AGBL4: variants seen among roughly 807,000 people sequenced by gnomAD.
The protein encoded by AGBL4 is cytosolic carboxypeptidase 6.
AGBL4 carries 58 observed loss-of-function variants against 66.4 expected under a neutral mutation model. The observed-to-expected ratio is 0.87, with a 90% CI of 0.71 to 1.09. The LOEUF is 1.09. Ranked by LOEUF, AGBL4 falls within the 50% of genes least tolerant of loss-of-function variation. The probability of loss-of-function intolerance (pLI) is 0.00; values close to 1 mark genes in which losing one functional copy is unlikely to be tolerated. For missense variants in AGBL4, 579 were observed against 631.0 expected, an observed-to-expected ratio of 0.92 and a Z score of 0.88; for synonymous variants, 234 against 222.9, an observed-to-expected ratio of 1.05 and a Z score of -0.44.
At chr1:49,447,705 G>A (rs907963914) in intron 3 of AGBL4, among the ~76,000 whole-genome samples, 1 of 152,182 alleles carries the variant, frequency 6.6e-6, no homozygotes, top group Non-Finnish European at 1.5e-5. Flanking sequence ...CAGCAGAGAT[G>A]TGGACTGCTA....
chr1:50,010,602 A>T (rs1223871120), intron 1 of AGBL4, among the ~76,000 whole-genome samples: 4 of 152,156 alleles, frequency 2.6e-5, no homozygotes, highest in Non-Finnish European at 5.9e-5. Flanking sequence ...ATAGCATGGT[A>T]CTGGCATAAA....
intron 6 of AGBL4, among the ~76,000 whole-genome samples, chr1:48,707,773 T>A (rs1646903654): frequency 6.6e-6 from 1 of 152,162 alleles, no homozygotes; most frequent in South Asian, 2.1e-4. Context: ...AGTGACACAC[T>A]TCAGCTGGTG....
chr1:49,504,574 C>G (rs1419278238), intron 3 of AGBL4, among the ~76,000 whole-genome samples: 2 of 151,182 alleles, frequency 1.3e-5, no homozygotes, highest in African/African-American at 4.9e-5. Context: ...ATGAGTTTAC[C>G]CCTCTCTCAT....
At chr1:49,178,113 T>C (rs1646864968) in intron 4 of AGBL4, among the ~76,000 whole-genome samples, 1 of 152,202 alleles carries the variant, frequency 6.6e-6, no homozygotes, top group African/African-American at 2.4e-5. Context: ...GCAAAGGCTT[T>C]GGAGCTAGGC....
intron 3 of AGBL4, among the ~76,000 whole-genome samples, chr1:49,333,283 T>A (rs1388536994): frequency 6.6e-6 from 1 of 152,090 alleles, no homozygotes; most frequent in Non-Finnish European, 1.5e-5. Context: ...ATCAATACCA[T>A]CCTGGCAAAC....
At position 48,837,709 on chromosome 1, in the gene AGBL4, C is replaced by CTAT. The variant is rs1310220715; in HGVS notation, c.634+29481_634+29482insATA. Among the ~76,000 whole-genome samples the CTAT allele has an allele frequency of 8.0e-5, 6 of 75,084 alleles. No individual in the cohort carries two copies. In the South Asian group the frequency reaches 3.1e-3, roughly 39 times the overall value. 49.3% of individuals were successfully genotyped at this position (75,084 alleles called of 152,430 possible). On this transcript the variant is annotated intron_variant, in intron 6 of 13. Coordinates refer to ENST00000371839, the MANE Select transcript of AGBL4 (RefSeq NM_032785.4). ...ACACGCACACACACGCACACACACA[C>CTAT]ACTATATATATATATATATATATAT...
At chr1:49,557,889 G>A (rs1244377453) in intron 3 of AGBL4, among the ~76,000 whole-genome samples, 1 of 151,550 alleles carries the variant, frequency 6.6e-6, no homozygotes, top group Non-Finnish European at 1.5e-5. Context: ...TTCTGCTTGA[G>A]AAGAAAACAT....
intron 4 of AGBL4, among the ~76,000 whole-genome samples, chr1:49,119,774 T>C (rs1397228295): frequency 1.3e-5 from 2 of 150,714 alleles, no homozygotes; most frequent in Non-Finnish European, 3.0e-5. Flanking sequence ...TGTCTTGTTG[T>C]GCAGTGTTAA....
chr1:49,393,752 G>C (rs1446933047), intron 3 of AGBL4, among the ~76,000 whole-genome samples: 1 of 152,192 alleles, frequency 6.6e-6, no homozygotes, highest in Non-Finnish European at 1.5e-5. Flanking sequence ...TAAGTGCATA[G>C]AGCTGTGTGT....
intron 11 of AGBL4, chr1:48,585,280 G>C (rs1485709274): frequency 1.3e-5 from 2 of 152,194 alleles, no homozygotes; most frequent in Non-Finnish European, 2.9e-5. Flanking sequence ...GGCCTCCTCT[G>C]GAGGGACCCT....
At chr1:48,601,524 G>C (rs909072943) in intron 9 of AGBL4, among the ~76,000 whole-genome samples, 1 of 152,180 alleles carries the variant, frequency 6.6e-6, no homozygotes, top group Non-Finnish European at 1.5e-5. Flanking sequence ...TACTATGGTA[G>C]CATAGAGTTA....
chr1:49,285,764 A>T (rs1298182694), intron 3 of AGBL4, among the ~76,000 whole-genome samples: 2 of 152,184 alleles, frequency 1.3e-5, no homozygotes, highest in African/African-American at 4.8e-5. Context: ...TAAACTAGAA[A>T]ATCTAGAAGA....
At chr1:48,874,410 A>G (rs1162397907) in intron 5 of AGBL4, among the ~76,000 whole-genome samples, 1 of 152,032 alleles carries the variant, frequency 6.6e-6, no homozygotes, top group African/African-American at 2.4e-5. Context: ...CTCTTACTCC[A>G]ATCTAGCCTC....
At chr1:49,695,221 A>G (rs1646961332) in intron 3 of AGBL4, among the ~76,000 whole-genome samples, 1 of 152,170 alleles carries the variant, frequency 6.6e-6, no homozygotes, top group South Asian at 2.1e-4. Flanking sequence ...TCCTTCCTTC[A>G]TATGAATTGA....
chr1:49,046,327 T>G (rs1443329507), intron 4 of AGBL4, among the ~76,000 whole-genome samples: 1 of 152,148 alleles, frequency 6.6e-6, no homozygotes, highest in Non-Finnish European at 1.5e-5. Flanking sequence ...TAAGACTAAT[T>G]AAGAACTTTT....
At chr1:49,282,705 T>G (rs529135770) in intron 3 of AGBL4, among the ~76,000 whole-genome samples, 1 of 152,264 alleles carries the variant, frequency 6.6e-6, no homozygotes, top group South Asian at 2.1e-4. Flanking sequence ...ATTGCCTCAC[T>G]TGGGAAGCGC....
chr1:49,927,523 G>A (rs1652896986), intron 1 of AGBL4, among the ~76,000 whole-genome samples: 1 of 152,120 alleles, frequency 6.6e-6, no homozygotes, highest in South Asian at 2.1e-4. Flanking sequence ...CACAAGAACA[G>A]CATGGGAGAA....
intron 1 of AGBL4, among the ~76,000 whole-genome samples, chr1:49,956,620 C>T (rs1331416079): frequency 6.6e-6 from 1 of 151,750 alleles, no homozygotes; most frequent in Non-Finnish European, 1.5e-5. Flanking sequence ...ATTGGTAAAA[C>T]AATCTTTATC....
chr1:48,801,050 G>A (rs1260172653), intron 6 of AGBL4, among the ~76,000 whole-genome samples: 1 of 152,136 alleles, frequency 6.6e-6, no homozygotes, highest in Non-Finnish European at 1.5e-5. Flanking sequence ...TTCCAAGGGG[G>A]ATTATGGCTG....
Sources: gnomAD v4.1 joint callset for allele counts (sites outside exome capture counted in the v4.1 genomes callset) on GRCh38, gnomAD v4.1.1 for gene constraint, MANE v1.5 for transcripts, NCBI Gene and HGNC (gene_info 2026-07-23, HGNC 2026-07-21) for gene names.